Variants in CA5A observed in about 807,000 individuals in gnomAD.
CA5A encodes carbonic anhydrase 5A.
A neutral mutation model predicts 37.1 loss-of-function variants in CA5A; 28 were observed. The observed-to-expected ratio is 0.75, with a 90% CI of 0.56 to 1.03. The LOEUF is 1.03. Among genes scored for constraint, CA5A ranks in the 50% least tolerant of loss-of-function variants. The probability of loss-of-function intolerance (pLI) is 0.00; values close to 1 mark genes in which losing one functional copy is unlikely to be tolerated. For missense variants in CA5A, 444 were observed against 399.9 expected, an observed-to-expected ratio of 1.11 and a Z score of -0.94; for synonymous variants, 171 against 158.4, an observed-to-expected ratio of 1.08 and a Z score of -0.60.
chr16:87,916,431 C>A (rs1007964043), intron 2 of CA5A, among the ~76,000 whole-genome samples: 1 of 152,168 alleles, frequency 6.6e-6, no homozygotes, highest in African/African-American at 2.4e-5. Context: ...TCCCCACCGT[C>A]ATGAAGCTGG....
At position 87,911,321 on chromosome 16, in the gene CA5A, C is replaced by T. The variant is rs746401709; in HGVS notation, c.341-6417G>A. On this transcript the variant is annotated intron_variant, in intron 2 of 6. Coordinates refer to ENST00000649794, the MANE Select transcript of CA5A (RefSeq NM_001739.2). The surrounding 1 kb of genome is among the most constrained non-coding windows in gnomAD (Gnocchi z 4.6). ...GTGCCAGACTCTCCAAACATAATAA[C>T]AGATGACGTTTGGGGCCGGCTCCAG... Among the ~76,000 whole-genome samples, 22 of 152,112 alleles carry T rather than the reference C, an allele frequency of 1.4e-4. No homozygotes were observed. The highest frequency in any genetic ancestry group is 2.8e-4 in the Non-Finnish European group (19 of 68,028).
intron 5 of CA5A, among the ~76,000 whole-genome samples, chr16:87,894,836 A>C (rs1448959914): frequency 6.6e-6 from 1 of 151,752 alleles, no homozygotes; most frequent in Non-Finnish European, 1.5e-5. Context: ...CCGAGATGGC[A>C]CCATTGCACT....
intron 5 of CA5A, among the ~76,000 whole-genome samples, chr16:87,896,022 C>T (rs1016710536): frequency 1.3e-5 from 2 of 152,200 alleles, no homozygotes; most frequent in African/African-American, 4.8e-5. Flanking sequence ...GTGAGACGTC[C>T]GTCTCCTCCT....
At chr16:87,909,166 G>A (rs2143986842) in intron 2 of CA5A, among the ~76,000 whole-genome samples, 1 of 151,934 alleles carries the variant, frequency 6.6e-6, no homozygotes, top group Non-Finnish European at 1.5e-5. Flanking sequence ...GCCTCTGATG[G>A]GCCGGATCCC....
intron 2 of CA5A, chr16:87,925,452 G>C (rs903369846): frequency 6.6e-6 from 1 of 152,182 alleles, no homozygotes; most frequent in African/African-American, 2.4e-5. Flanking sequence ...GAGCTCACTA[G>C]CAACTCAGTG....
At chr16:87,905,768 C>T (rs1233947211) in intron 2 of CA5A, among the ~76,000 whole-genome samples, 2 of 152,228 alleles carry the variant, frequency 1.3e-5, no homozygotes, top group Admixed American at 1.3e-4. Flanking sequence ...TGGAACACTC[C>T]TTCCTTCCTA....
intron 2 of CA5A, among the ~76,000 whole-genome samples, chr16:87,924,550 G>A (rs920738511): frequency 1.3e-5 from 2 of 152,240 alleles, no homozygotes; most frequent in African/African-American, 2.4e-5. Context: ...GCACTCATCC[G>A]TGGGCACCGT....
In CA5A at chr16:87,911,691, G is replaced by A. The variant is rs1173259990; in HGVS notation, c.341-6787C>T. 5.3e-5 allele frequency among the ~76,000 whole-genome samples: 8 copies of A among 152,134 alleles called. No homozygotes were observed. The highest frequency in any genetic ancestry group is 3.3e-4 in the Admixed American group (5 of 15,284). ...TGCAAGCCCCTGCCCACAGAACTCC[G>A]CGACGATGGAACCTAGACTGCTCCC... On this transcript the variant is annotated intron_variant, in intron 2 of 6. Transcript: ENST00000649794. This position sits in a 1 kb window ranked among gnomAD's most constrained non-coding sequence, Gnocchi z 4.6.
intron 2 of CA5A, chr16:87,923,739 C>G (rs2056262329): frequency 1.0e-6 from 1 of 984,986 alleles, no homozygotes. Context: ...TACTTTACGA[C>G]TTAGAGGAAA....
chr16:87,913,386 T>G (rs1223583968), intron 2 of CA5A, among the ~76,000 whole-genome samples: 3 of 149,134 alleles, frequency 2.0e-5, no homozygotes, highest in African/African-American at 7.6e-5. Flanking sequence ...CACTGCAGCC[T>G]CAACCTCCTG....
chr16:87,926,677 C>T lies in CA5A; in HGVS notation c.340+71G>A, dbSNP rs145904603. 970 of 1,244,866 alleles carry T rather than the reference C, an allele frequency of 7.8e-4. 19 individuals carry two copies. In the East Asian group the frequency reaches 0.019, roughly 25 times the overall value. The allele number at this position is 1,244,866 out of a possible 1,614,324, so 77.1% of individuals were successfully genotyped here. A position where few individuals can be genotyped will look rare whatever the true frequency, so the allele number is the denominator to read the frequency against. Reference sequence around the variant, plus strand: ...CCTTCCTGCTCTCCTCCCCCTTCTCCGCGAAGCTCTTGACCCTGCTGCCAG... The same window carrying T: ...CCTTCCTGCTCTCCTCCCCCTTCTCTGCGAAGCTCTTGACCCTGCTGCCAG... On this transcript the variant is annotated intron_variant, in intron 2 of 6. Transcript: ENST00000649794.
intron 2 of CA5A, among the ~76,000 whole-genome samples, chr16:87,913,793 G>A (rs1220524648): frequency 2.6e-5 from 4 of 152,122 alleles, no homozygotes; most frequent in South Asian, 2.1e-4. Flanking sequence ...TAGCTGGCCC[G>A]TCCTGCACAC....
intron 2 of CA5A, among the ~76,000 whole-genome samples, chr16:87,909,782 C>T (rs2056023915): frequency 6.6e-6 from 1 of 152,208 alleles, no homozygotes; most frequent in Non-Finnish European, 1.5e-5. Flanking sequence ...AGACCGCCCA[C>T]CAGCAAAATG....
rs148420550 is a variant in CA5A, at chr16:87,908,175, C to G, written c.341-3271G>C. ...GCAGTTGGGGAACCGCCTGGGATCT[C>G]TAGGAAAGTCCACAGAACACAGAAA... is the stretch of plus-strand genomic sequence containing the variant. On this transcript the variant is annotated intron_variant, in intron 2 of 6. Coordinates refer to ENST00000649794, the MANE Select transcript of CA5A (RefSeq NM_001739.2). 8.2e-3 allele frequency among the ~76,000 whole-genome samples: 1,243 copies of G among 152,300 alleles called. 19 individuals are homozygous for G. The highest frequency in any genetic ancestry group is 0.028 in the African/African-American group (1,182 of 41,556).
chr16:87,925,283 G>A (rs564522596), intron 2 of CA5A, among the ~76,000 whole-genome samples: 9 of 152,272 alleles, frequency 5.9e-5, no homozygotes, highest in East Asian at 1.9e-4. Flanking sequence ...GCAAAAGGAC[G>A]CAGAGCGAGA....
chr16:87,913,647 G>A (rs2056084648), intron 2 of CA5A, among the ~76,000 whole-genome samples: 1 of 144,162 alleles, frequency 6.9e-6, no homozygotes, highest in Non-Finnish European at 1.5e-5. Flanking sequence ...GAGTGTCTGT[G>A]CCGTGGCCCC....
At chr16:87,925,126 C>G (rs577642127) in intron 2 of CA5A, among the ~76,000 whole-genome samples, 1 of 152,164 alleles carries the variant, frequency 6.6e-6, no homozygotes, top group African/African-American at 2.4e-5. Flanking sequence ...GCACGTGGGA[C>G]GCACCCGGGA....
rs1249601024 is a variant in CA5A at position 87,911,389 on chromosome 16, C to T, written c.341-6485G>A. The stretch of plus-strand genomic sequence containing the variant: ...CCAGAGAATATTGTCTCTGCTATTA[C>T]AACAGATGCTGTTAATAGCCATCTA... On this transcript the variant is annotated intron_variant, in intron 2 of 6. Coordinates refer to ENST00000649794, the MANE Select transcript of CA5A (RefSeq NM_001739.2). This position sits in a 1 kb window ranked among gnomAD's most constrained non-coding sequence, Gnocchi z 4.6. 6.6e-6 allele frequency among the ~76,000 whole-genome samples: 1 copy of T among 152,230 alleles called. No homozygotes were observed. The highest frequency in any genetic ancestry group is 1.5e-5 in the Non-Finnish European group (1 of 68,040).
downstream of CA5A, chr16:87,886,002 T>C (rs2055644779): frequency 6.6e-6 from 1 of 152,116 alleles, no homozygotes; most frequent in Admixed American, 6.6e-5. Flanking sequence ...ACTCAATAAA[T>C]GTTACATGAA....
Sources: gnomAD v4.1 joint callset for allele counts (sites outside exome capture counted in the v4.1 genomes callset) on GRCh38, gnomAD v4.1.1 for gene constraint, Gnocchi (gnomAD v3.1) non-coding constraint, MANE v1.5 for transcripts, NCBI Gene and HGNC (gene_info 2026-07-23, HGNC 2026-07-21) for gene names.